Variants in VWA8 observed in about 807,000 individuals in gnomAD.
The protein encoded by VWA8 is von Willebrand factor A domain containing 8, also known as von Willebrand factor A domain-containing protein 8.
Under a neutral mutation model 241.5 loss-of-function variants are expected in VWA8, and 221 were observed. That is an observed-to-expected ratio of 0.91 (90% confidence interval 0.82 to 1.02). VWA8 has a LOEUF of 1.02. Ranked by LOEUF, VWA8 falls within the 50% of genes least tolerant of loss-of-function variation. VWA8 has a pLI of 0.00. For missense variants in VWA8, 2,322 were observed against 2,328.7 expected, an observed-to-expected ratio of 1.00 and a Z score of 0.06; for synonymous variants, 852 against 827.1, an observed-to-expected ratio of 1.03 and a Z score of -0.52.
intron 21 of VWA8, among the ~76,000 whole-genome samples, chr13:41,736,813 G>GA (rs1336153234): frequency 6.7e-6 from 1 of 148,740 alleles, no homozygotes; most frequent in Non-Finnish European, 1.5e-5. Flanking sequence ...AGACAGCACT[G>GA]AAAAAATGTT....
chr13:41,670,903 T>C (rs2045017579), intron 37 of VWA8, 43 bp downstream of exon 37: 1 of 1,602,718 alleles, frequency 6.2e-7, no homozygotes, highest in Non-Finnish European at 8.5e-7. Flanking sequence ...AAATTTATAC[T>C]TGAATGTGCA....
At chr13:41,689,682 G>A (rs1234822679) in intron 33 of VWA8, among the ~76,000 whole-genome samples, 174 bp from the exon 34 acceptor site, 1 of 151,938 alleles carries the variant, frequency 6.6e-6, no homozygotes. Flanking sequence ...TATAATCAAG[G>A]CATCTTCCCA....
rs746167410 is a variant in VWA8, at chr13:41,721,347, G to A, written c.2964+23C>T. 38 of 1,607,612 alleles carry A rather than the reference G, an allele frequency of 2.4e-5. No individual in the cohort carries two copies. The South Asian group carries it at 3.5e-4, about 15-fold the overall frequency. Reference sequence around the variant, plus strand: ...TAAAAAAGAGAGTGATGGCTCTTAGGTACAGGTGTGTGCCATACCTACCTG... The same window carrying A: ...TAAAAAAGAGAGTGATGGCTCTTAGATACAGGTGTGTGCCATACCTACCTG... On this transcript the variant is annotated intron_variant, in intron 25 of 44. Transcript: ENST00000379310.
At chr13:41,734,385 T>A (rs1471656365) in intron 21 of VWA8, among the ~76,000 whole-genome samples, 1 of 152,080 alleles carries the variant, frequency 6.6e-6, no homozygotes, top group Non-Finnish European at 1.5e-5. Context: ...TAGGTCTGTA[T>A]TAGAAAGTAC....
chr13:41,819,163 CT>C, intron 15 of VWA8, 54 bp downstream of exon 15: 3 of 1,546,918 alleles, frequency 1.9e-6, no homozygotes, highest in Non-Finnish European at 2.6e-6. Context: ...ATCAGAGTGC[CT>C]TAAAAAGAGA....
chr13:41,601,210 A>C (rs1429405892), intron 40 of VWA8, among the ~76,000 whole-genome samples: 3 of 152,050 alleles, frequency 2.0e-5, no homozygotes, highest in African/African-American at 7.2e-5. Context: ...CCACATTCTA[A>C]GCTTCCCTCT....
At chr13:41,831,618 T>TTTG (rs1158910800) in intron 13 of VWA8, among the ~76,000 whole-genome samples, 2 of 83,064 alleles carry the variant, frequency 2.4e-5, no homozygotes, top group South Asian at 4.8e-4. Context: ...CATGAGTTTT[T>TTTG]TTTTTTTTTT....
intron 2 of VWA8, among the ~76,000 whole-genome samples, chr13:41,933,930 C>T (rs1314046620): frequency 6.6e-6 from 1 of 151,742 alleles, no homozygotes; most frequent in Non-Finnish European, 1.5e-5. Context: ...TCTTAGGTGA[C>T]ACCAAAAGCA....
intron 19 of VWA8, among the ~76,000 whole-genome samples, chr13:41,781,579 G>A (rs1868888494): frequency 6.6e-6 from 1 of 152,044 alleles, no homozygotes; most frequent in African/African-American, 2.4e-5. Flanking sequence ...CAATACCTTA[G>A]GACAAGGCCA....
At chr13:41,778,285 G>A (rs1393151232) in intron 19 of VWA8, among the ~76,000 whole-genome samples, 2 of 152,058 alleles carry the variant, frequency 1.3e-5, no homozygotes, top group African/African-American at 2.4e-5. Context: ...CTAAGCAACT[G>A]ACCAACATTT....
chr13:41,612,560 T>A (rs555058086), intron 38 of VWA8, among the ~76,000 whole-genome samples: 193 of 152,302 alleles, frequency 1.3e-3, no homozygotes, highest in Non-Finnish European at 2.1e-3. Flanking sequence ...TCTAAATACA[T>A]GAAAATTGAA....
At chr13:41,874,067 G>A (rs898520066) in intron 9 of VWA8, among the ~76,000 whole-genome samples, 1 of 151,906 alleles carries the variant, frequency 6.6e-6, no homozygotes, top group Non-Finnish European at 1.5e-5. Flanking sequence ...CATATAAACA[G>A]AGCCAAAGAC....
intron 32 of VWA8, among the ~76,000 whole-genome samples, chr13:41,690,524 G>A (rs185533470): frequency 6.6e-5 from 10 of 152,176 alleles, no homozygotes; most frequent in Admixed American, 5.2e-4. Context: ...AAGGGTTGTG[G>A]GGAGGGGAAG....
intron 9 of VWA8, among the ~76,000 whole-genome samples, chr13:41,875,918 C>G (rs1873876345): frequency 6.6e-6 from 1 of 151,964 alleles, no homozygotes; most frequent in Non-Finnish European, 1.5e-5. Context: ...TCAAATATGT[C>G]CAATACTCAG....
chr13:41,780,421 T>G (rs1347774504), intron 19 of VWA8, among the ~76,000 whole-genome samples: 1 of 152,196 alleles, frequency 6.6e-6, no homozygotes, highest in African/African-American at 2.4e-5. Flanking sequence ...TTCTTTATCC[T>G]GTATCTTTTT....
chr13:41,891,329 C>T, intron 5 of VWA8, 91 bp downstream of exon 5: 1 of 1,493,822 alleles, frequency 6.7e-7, no homozygotes, highest in Non-Finnish European at 9.1e-7. Flanking sequence ...AACATCTGTC[C>T]TGATTCCAAC....
At chr13:41,723,841 T>G (rs1013899980) in intron 24 of VWA8, among the ~76,000 whole-genome samples, 1 of 152,118 alleles carries the variant, frequency 6.6e-6, no homozygotes, top group African/African-American at 2.4e-5. Context: ...AGATGAATAT[T>G]TGGCAATAAC....
At position 41,739,853 on chromosome 13, in the gene VWA8, T is replaced by G. The variant is rs1482298597; in HGVS notation, c.2427-7698A>C. Among the ~76,000 whole-genome samples, 35 of 58,592 alleles carry G rather than the reference T, an allele frequency of 6.0e-4. 1 individual carries two copies. The South Asian group carries it at 0.015, about 25-fold the overall frequency. 38.4% of individuals were successfully genotyped at this position (58,592 alleles called of 152,430 possible). A position where few individuals can be genotyped will look rare whatever the true frequency, so the allele number is the denominator to read the frequency against. Reference sequence around the variant, plus strand: ...TTTTTTTTTTTGTTTTTTTTGTTTTTTTTGTTTTTTTTTTTTTTTGAGACA... The same window carrying G: ...TTTTTTTTTTTGTTTTTTTTGTTTTGTTTGTTTTTTTTTTTTTTTGAGACA... On this transcript the variant is annotated intron_variant, in intron 21 of 44. Coordinates refer to ENST00000379310, the MANE Select transcript of VWA8 (RefSeq NM_015058.2).
chr13:41,654,878 T>TA (rs909364457), intron 37 of VWA8, among the ~76,000 whole-genome samples: 1 of 152,154 alleles, frequency 6.6e-6, no homozygotes, highest in Non-Finnish European at 1.5e-5. Flanking sequence ...GAGGAACTGT[T>TA]CAGATTGAAA....
Sources: gnomAD v4.1 joint callset for allele counts (sites outside exome capture counted in the v4.1 genomes callset) on GRCh38, gnomAD v4.1.1 for gene constraint, MANE v1.5 for transcripts, NCBI Gene and HGNC (gene_info 2026-07-23, HGNC 2026-07-21) for gene names.